DICER1: variants seen among roughly 807,000 people sequenced by gnomAD.
DICER1 encodes the protein dicer 1, ribonuclease III.
Under a neutral mutation model 194.1 loss-of-function variants are expected in DICER1, and 43 were observed. The observed-to-expected ratio is 0.22, with a 90% CI of 0.17 to 0.29. DICER1 has a LOEUF of 0.29. DICER1 is among the 10% of genes least tolerant of loss of function. The probability of loss-of-function intolerance (pLI) is 1.00; values close to 1 mark genes in which losing one functional copy is unlikely to be tolerated. For synonymous variants in DICER1, 832 were observed against 820.5 expected, an observed-to-expected ratio of 1.01 and a Z score of -0.24; for missense variants, 1,608 against 2,317.0, an observed-to-expected ratio of 0.69 and a Z score of 6.28.
At chr14:95,116,362 T>C in intron 10 of DICER1, 91 bp downstream of exon 10, 2 of 1,476,810 alleles carry the variant, frequency 1.4e-6, no homozygotes, top group Non-Finnish European at 9.3e-7. Flanking sequence ...ATAAAACTCA[T>C]TATCTGTTCC....
At chr14:95,090,973 T>C in intron 26 of DICER1, 61 bp downstream of exon 26, 1 of 1,461,116 alleles carries the variant, frequency 6.8e-7, no homozygotes, top group South Asian at 1.2e-5. Flanking sequence ...AATATCTTTG[T>C]GAACTTTTCC....
At chr14:95,151,598 ATAAAGTCG>A (rs1895516556) in intron 1 of DICER1, among the ~76,000 whole-genome samples, 1 of 152,222 alleles carries the variant, frequency 6.6e-6, no homozygotes, top group African/African-American at 2.4e-5. Context: ...CTCATCGGCT[ATAAAGTCG>A]AAGAATCAGG....
At chr14:95,130,214 TA>T (rs757273270) in intron 4 of DICER1, 22 bp from the exon 5 acceptor site, 10 of 1,607,464 alleles carry the variant, frequency 6.2e-6, no homozygotes, top group Non-Finnish European at 7.6e-6. Flanking sequence ...TCAACATCAG[TA>T]AACAAACATA....
chr14:95,149,657 ATTTG>A (rs1895382015), intron 1 of DICER1, among the ~76,000 whole-genome samples: 2 of 152,222 alleles, frequency 1.3e-5, no homozygotes, highest in African/African-American at 2.4e-5. Flanking sequence ...ATAGTTCATG[ATTTG>A]TTTGATTTTC....
Position 95,093,996 on chromosome 14 carries a change from G to A in DICER1, c.5256C>T (p.Tyr1752=), listed in dbSNP as rs373750374. ...CAGCTTTGAAGTACTTGTGGTAGTC[G>A]TACTTTACAGCCAGCGATGCAAAGA... The part of the protein sequence containing the change: ...NTIFASLAVK[Y]DYHKYFKAVS... Residue 1752 remains tyrosine (Y), a synonymous_variant, in exon 24 of 27, where the codon TAC becomes TAT. Transcript: ENST00000343455. 5.6e-6 allele frequency: 9 copies of A among 1,614,004 alleles called. No individual in the cohort carries two copies. In the African/African-American group the frequency reaches 6.7e-5, roughly 12 times the overall value.
At chr14:95,140,398 A>C (rs1009693049) in intron 1 of DICER1, among the ~76,000 whole-genome samples, 1 of 152,192 alleles carries the variant, frequency 6.6e-6, no homozygotes, top group African/African-American at 2.4e-5. Context: ...ACAGTATTCA[A>C]TATAGTAACA....
At chr14:95,126,080 G>A (rs559174355) in intron 7 of DICER1, among the ~76,000 whole-genome samples, 1 of 118,120 alleles carries the variant, frequency 8.5e-6, no homozygotes, top group East Asian at 2.4e-4. Flanking sequence ...ATTCAAAACT[G>A]AAGACTGCAA....
At chr14:95,133,590 C>A in intron 1 of DICER1, 87 bp from the exon 2 acceptor site, 1 of 1,007,736 alleles carries the variant, frequency 9.9e-7, no homozygotes, top group Non-Finnish European at 1.5e-6. Context: ...ATCAGAATAT[C>A]ATTCCTATGA....
intron 1 of DICER1, chr14:95,141,182 G>T (rs2140364350): frequency 6.6e-6 from 1 of 152,232 alleles, no homozygotes; most frequent in African/African-American, 2.4e-5. Context: ...TAACCCAGTA[G>T]TAACTCTTTA....
At chr14:95,095,162 T>C (rs1890196612) in intron 23 of DICER1, among the ~76,000 whole-genome samples, 1 of 152,238 alleles carries the variant, frequency 6.6e-6, no homozygotes, top group Admixed American at 6.5e-5. Flanking sequence ...GGCACTTATT[T>C]TTCTGATACA....
chr14:95,123,922 A>AT (rs1205363054), intron 8 of DICER1, among the ~76,000 whole-genome samples: 1 of 152,188 alleles, frequency 6.6e-6, no homozygotes, highest in Non-Finnish European at 1.5e-5. Flanking sequence ...ATGTATACTG[A>AT]TTTTTTTAAA....
At chr14:95,108,820 T>A (rs1014406646) in intron 14 of DICER1, among the ~76,000 whole-genome samples, 4 of 152,240 alleles carry the variant, frequency 2.6e-5, no homozygotes, top group Admixed American at 6.5e-5. Flanking sequence ...TTGATCTATT[T>A]CTTCTGACAA....
intron 1 of DICER1, among the ~76,000 whole-genome samples, chr14:95,145,088 G>T (rs1220558801): frequency 3.9e-5 from 6 of 152,140 alleles, no homozygotes; most frequent in African/African-American, 1.4e-4. Context: ...GATGGTATAT[G>T]AGCCTCTAAA....
At position 95,089,301 on chromosome 14, in the gene DICER1, A is replaced by G. The variant is rs1267021864; in HGVS notation, c.*1197T>C. 1 of 233,072 alleles carries G rather than the reference A, an allele frequency of 4.3e-6. No individual in the cohort carries two copies. 14.4% of individuals were successfully genotyped at this position (233,072 alleles called of 1,614,324 possible). ...TATCAAAATTACGGCAGTTTATCGC[A>G]AACGTTAAACTTTCACGGCATTAAC... On this transcript the variant is annotated 3_prime_UTR_variant, in exon 27 of 27. Coordinates refer to ENST00000343455, the MANE Select transcript of DICER1 (RefSeq NM_177438.3).
intron 11 of DICER1, among the ~76,000 whole-genome samples, chr14:95,113,474 G>T (rs1892165941): frequency 6.6e-6 from 1 of 152,214 alleles, no homozygotes; most frequent in African/African-American, 2.4e-5. Flanking sequence ...AATGTGAGAA[G>T]TACAACTACG....
intron 8 of DICER1, among the ~76,000 whole-genome samples, chr14:95,122,957 C>A (rs201235274): frequency 1.4e-5 from 1 of 72,886 alleles, no homozygotes; most frequent in African/African-American, 1.2e-4. Context: ...CGCACACACA[C>A]ACAAAGAAAG....
In DICER1 at chr14:95,088,936, A is replaced by G. The variant is rs1889554054; in HGVS notation, c.*1562T>C. On this transcript the variant is annotated 3_prime_UTR_variant, in exon 27 of 27. Coordinates refer to ENST00000343455, the MANE Select transcript of DICER1 (RefSeq NM_177438.3). ...CCTCTGCTCAGCTTTCTTAAACTTC[A>G]AGCATAATTAACGGGGCAAATTGCA... The G allele has an allele frequency of 4.3e-6, 1 of 233,664 alleles. No individual in the cohort carries two copies. Among genetic ancestry groups the G allele is most frequent in the African/African-American group, 2.2e-5 (1 of 45,446 alleles). 14.5% of individuals were successfully genotyped at this position (233,664 alleles called of 1,614,324 possible).
chr14:95,115,563 T>A, intron 11 of DICER1, 104 bp downstream of exon 11: 1 of 1,280,794 alleles, frequency 7.8e-7, no homozygotes, highest in African/African-American at 1.5e-5. Flanking sequence ...CAAGTCTAAG[T>A]AAAGACTGGT....
chr14:95,148,332 C>T (rs1424178721), intron 1 of DICER1, among the ~76,000 whole-genome samples: 1 of 152,134 alleles, frequency 6.6e-6, no homozygotes, highest in Non-Finnish European at 1.5e-5. Context: ...AGTAACCAGC[C>T]CCCATTTTGA....
Sources: allele counts gnomAD v4.1 joint callset (sites outside exome capture counted in the v4.1 genomes callset), GRCh38; gene constraint gnomAD v4.1.1; transcripts MANE v1.5; gene names NCBI Gene and HGNC (gene_info 2026-07-23, HGNC 2026-07-21).